The following ADGRV1 variants were observed in gnomAD, a reference collection of about 807,000 sequenced individuals.
The protein encoded by ADGRV1 is adhesion G protein-coupled receptor V1.
Under a neutral mutation model 596.2 loss-of-function variants are expected in ADGRV1, and 359 were observed. That is an observed-to-expected ratio of 0.60 (90% CI 0.55 to 0.66). The LOEUF (loss-of-function observed/expected upper bound fraction) is 0.66. ADGRV1 is among the 30% of genes least tolerant of loss of function. The pLI, the probability that ADGRV1 is intolerant of heterozygous loss-of-function variation, is 0.00. For synonymous variants in ADGRV1, 2,681 were observed against 2,679.2 expected (o/e 1.00, Z -0.02); for missense variants, 7,274 against 7,575.6 (o/e 0.96, Z 1.48).
intron 85 of ADGRV1, among the ~76,000 whole-genome samples, chr5:91,060,199 C>CG (rs1562159973): frequency 2.6e-5 from 4 of 151,616 alleles, no homozygotes. Context: ...TGCTGGGGGG[C>CG]GGGGCAGCAG....
At chr5:90,783,522 C>A (rs1428311919) in intron 66 of ADGRV1, among the ~76,000 whole-genome samples, 197 bp downstream of exon 66, 2 of 151,468 alleles carry the variant, frequency 1.3e-5, no homozygotes, top group African/African-American at 2.4e-5. Flanking sequence ...CACTTCATTT[C>A]AAATAAAGGA....
At chr5:91,018,605 A>G (rs1347603840) in intron 85 of ADGRV1, among the ~76,000 whole-genome samples, 1 of 152,012 alleles carries the variant, frequency 6.6e-6, no homozygotes, top group East Asian at 1.9e-4. Context: ...AAAGGGGAAA[A>G]TGCAACTGGA....
At chr5:90,595,558 G>A (rs568448065) in intron 1 of ADGRV1, among the ~76,000 whole-genome samples, 9 of 132,756 alleles carry the variant, frequency 6.8e-5, no homozygotes, top group Admixed American at 2.8e-4. Context: ...CTGGCCGGGC[G>A]GGGGGCTGAC....
rs369793306 is a variant in ADGRV1, at chr5:90,776,485, C to G, written c.12436C>G (p.Arg4146Gly). 2.9e-5 allele frequency: 46 copies of G among 1,612,808 alleles called. No individual in the cohort carries two copies. Among genetic ancestry groups the G allele is most frequent in the Non-Finnish European group, 3.8e-5 (45 of 1,179,304 alleles). Residue 4146 changes from arginine to glycine, a missense_variant, in exon 61 of 90, where the codon CGA becomes GGA. By Grantham distance (125) the Arg-to-Gly change is moderately radical. This residue lies in a region of ADGRV1 where 3,643 missense variants were observed against 3,809.2 expected (regional missense o/e 0.96). Coordinates refer to ENST00000405460, the MANE Select transcript of ADGRV1 (RefSeq NM_032119.4). ...SASIIIRGDKRASGEVGIAPS... is the reference protein window; with the variant it reads ...SASIIIRGDKGASGEVGIAPS... ...ATCAATAATTATTCGGGGTGATAAG[C>G]GAGCATCAGGAGAAGTTGGGATAGC...
intron 15 of ADGRV1, 58 bp downstream of exon 15, chr5:90,644,927 T>A: frequency 3.4e-6 from 4 of 1,172,476 alleles, no homozygotes; most frequent in Non-Finnish European, 4.7e-6. Flanking sequence ...TAATTATTTT[T>A]TATTAAATAA....
intron 86 of ADGRV1, among the ~76,000 whole-genome samples, chr5:91,076,354 A>G (rs982013151): frequency 9.2e-5 from 14 of 152,106 alleles, no homozygotes; most frequent in Admixed American, 6.6e-5. Flanking sequence ...TGGAGTGGTC[A>G]CTTGTTTTGG....
At chr5:91,001,682 G>T (rs1327542016) in intron 85 of ADGRV1, among the ~76,000 whole-genome samples, 2 of 152,080 alleles carry the variant, frequency 1.3e-5, no homozygotes, top group African/African-American at 4.8e-5. Context: ...TTTTTAAATT[G>T]CAGTAAAATC....
chr5:90,929,777 TA>T (rs1227594654), intron 83 of ADGRV1: 3 of 152,242 alleles, frequency 2.0e-5, no homozygotes, highest in Non-Finnish European at 4.4e-5. Flanking sequence ...TTGATCATAT[TA>T]GTTGGTACAG....
intron 85 of ADGRV1, among the ~76,000 whole-genome samples, chr5:91,030,014 A>G (rs1374061182): frequency 6.6e-6 from 1 of 152,124 alleles, no homozygotes; most frequent in Non-Finnish European, 1.5e-5. Flanking sequence ...ATAATAACCA[A>G]TTGTCTCAAG....
intron 59 of ADGRV1, among the ~76,000 whole-genome samples, chr5:90,765,986 T>A (rs867400927): frequency 1.3e-5 from 2 of 152,042 alleles, no homozygotes; most frequent in African/African-American, 4.8e-5. Flanking sequence ...CTCTGCTCAC[T>A]GCAAGCTCCA....
At chr5:91,020,423 A>G (rs1174535410) in intron 85 of ADGRV1, among the ~76,000 whole-genome samples, 1 of 152,026 alleles carries the variant, frequency 6.6e-6, no homozygotes, top group Non-Finnish European at 1.5e-5. Flanking sequence ...ACTTTCACGT[A>G]TATTATCTCA....
At chr5:90,801,634 T>G (rs1761385988) in intron 70 of ADGRV1, among the ~76,000 whole-genome samples, 1 of 152,084 alleles carries the variant, frequency 6.6e-6, no homozygotes, top group Admixed American at 6.6e-5. Flanking sequence ...TTTGAAACCA[T>G]CATGGTATAT....
chr5:90,721,607 A>G lies in ADGRV1; in HGVS notation c.9748+548A>G, dbSNP rs1019658473. Reference sequence around the variant, plus strand: ...AAAATAAAATATGTATTTAGTGCCTATGCCAGGCATGGCACTGAACTCGTG... The same window carrying G: ...AAAATAAAATATGTATTTAGTGCCTGTGCCAGGCATGGCACTGAACTCGTG... On this transcript the variant is annotated intron_variant, in intron 45 of 89. Coordinates refer to ENST00000405460, the MANE Select transcript of ADGRV1 (RefSeq NM_032119.4). Among the ~76,000 whole-genome samples, 2 of 136,164 alleles carry G rather than the reference A, an allele frequency of 1.5e-5. 1 individual carries two copies. Among genetic ancestry groups the G allele is most frequent in the South Asian group, 4.4e-4 (2 of 4,498 alleles). The allele number at this position is 136,164 out of a possible 152,430, so 89.3% of individuals were successfully genotyped here.
intron 86 of ADGRV1, among the ~76,000 whole-genome samples, chr5:91,083,255 TG>T (rs1789568106): frequency 1.2e-5 from 1 of 81,896 alleles, no homozygotes; most frequent in Admixed American, 1.4e-4. Context: ...GTAGGGGGGA[TG>T]GGGGAGGGAT....
rs781037897 is a variant in ADGRV1 at position 90,703,780 on chromosome 5, A to G, written c.8271A>G (p.Gln2757=). 8 of 1,597,608 alleles carry G rather than the reference A, an allele frequency of 5.0e-6. No individual in the cohort carries two copies. The African/African-American group carries it at 1.1e-4, about 21-fold the overall frequency. The change falls in exon 35 of 90, where the codon CAA becomes CAG. Residue 2757 remains glutamine (Q), a synonymous_variant. Transcript: ENST00000405460. The part of the protein sequence containing the change: ...LELNFANFSG[Q]LFFPEGSLNT... The stretch of plus-strand genomic sequence containing the variant: ...TCAATTTTGCTAACTTTAGCGGACA[A>G]CTTTTCTTTCCTGAGGTAATACTGC...
intron 21 of ADGRV1, among the ~76,000 whole-genome samples, chr5:90,668,217 C>T (rs1355102555): frequency 1.2e-4 from 18 of 151,630 alleles, no homozygotes; most frequent in South Asian, 4.2e-4. Flanking sequence ...GCCTCGCTGC[C>T]GCCTTGCAGT....
intron 83 of ADGRV1, among the ~76,000 whole-genome samples, chr5:90,900,258 A>G (rs1186387189): frequency 1.3e-5 from 2 of 152,000 alleles, no homozygotes; most frequent in Non-Finnish European, 2.9e-5. Context: ...ATCCATTTAG[A>G]TAGAGATTTA....
chr5:90,926,809 G>A (rs1347378079), intron 83 of ADGRV1, among the ~76,000 whole-genome samples: 11 of 150,308 alleles, frequency 7.3e-5, no homozygotes, highest in East Asian at 5.9e-4. Context: ...CTTTGAATGC[G>A]TCCCAGAGAT....
chr5:90,687,041 T>C (rs6873615), intron 29 of ADGRV1, among the ~76,000 whole-genome samples: 51,146 of 151,644 alleles, frequency 0.34, 8,924 homozygotes, highest in Admixed American at 0.48. Flanking sequence ...TCATGTCCTT[T>C]GCCCACTTTT....
Sources: gnomAD v4.1 joint callset for allele counts (sites outside exome capture counted in the v4.1 genomes callset) on GRCh38, gnomAD v4.1.1 for gene constraint, gnomAD v4.1.1 regional missense constraint, MANE v1.5 for transcripts, NCBI Gene and HGNC (gene_info 2026-07-23, HGNC 2026-07-21) for gene names.